Variants in MECOM observed in about 807,000 individuals in gnomAD.
MECOM encodes MDS1 and EVI1 complex locus.
Under a neutral mutation model 116.3 loss-of-function variants are expected in MECOM, and 13 were observed. The ratio of observed to expected loss-of-function variants is 0.11; its 90% confidence interval spans 0.07 to 0.18. The LOEUF (loss-of-function observed/expected upper bound fraction) is 0.18, where lower values mean the gene tolerates loss of function less well. Among genes scored for constraint, MECOM ranks in the 10% least tolerant of loss-of-function variants. The pLI is 1.00. For missense variants in MECOM, 1,299 were observed against 1,509.0 expected, an observed-to-expected ratio of 0.86 and a Z score of 2.31; for synonymous variants, 528 against 535.2, an observed-to-expected ratio of 0.99 and a Z score of 0.19.
chr3:169,161,137 T>C (rs1414005332), intron 2 of MECOM, among the ~76,000 whole-genome samples: 6 of 152,214 alleles, frequency 3.9e-5, no homozygotes, highest in Non-Finnish European at 5.9e-5. Context: ...GATTAAGTCA[T>C]GGTCACCACC....
chr3:169,502,161 T>C (rs1754621380), intron 1 of MECOM, among the ~76,000 whole-genome samples: 1 of 152,284 alleles, frequency 6.6e-6, no homozygotes, highest in African/African-American at 2.4e-5. Flanking sequence ...ATTCACCTGT[T>C]ACTCACAGAA....
chr3:169,133,761 G>T (rs1365321444), intron 3 of MECOM, among the ~76,000 whole-genome samples: 21 of 152,078 alleles, frequency 1.4e-4, no homozygotes. Context: ...TCTTTTTAAA[G>T]ATTACCAGAT....
intron 1 of MECOM, among the ~76,000 whole-genome samples, chr3:169,606,282 G>T (rs1474533377): frequency 6.6e-6 from 1 of 151,844 alleles, no homozygotes; most frequent in Non-Finnish European, 1.5e-5. Context: ...GTGTGGTGGT[G>T]CATGCTTGTA....
At chr3:169,341,248 TG>T (rs1298938851) in intron 2 of MECOM, among the ~76,000 whole-genome samples, 2 of 151,992 alleles carry the variant, frequency 1.3e-5, no homozygotes, top group Non-Finnish European at 2.9e-5. Flanking sequence ...TGCAACAACA[TG>T]GATGGAACTG....
chr3:169,348,623 A>G (rs1423275791), intron 2 of MECOM, among the ~76,000 whole-genome samples: 2 of 152,056 alleles, frequency 1.3e-5, no homozygotes, highest in Non-Finnish European at 2.9e-5. Flanking sequence ...TATTTATTTC[A>G]TAAGAGAAGT....
intron 2 of MECOM, among the ~76,000 whole-genome samples, chr3:169,193,231 T>C (rs1025937340): frequency 2.0e-5 from 3 of 152,156 alleles, no homozygotes; most frequent in East Asian, 3.9e-4. Flanking sequence ...CTTGACTTAA[T>C]CATAGTTGAC....
At chr3:169,146,668 CA>C in intron 2 of MECOM, 1 of 1,335,140 alleles carries the variant, frequency 7.5e-7, no homozygotes, top group African/African-American at 1.5e-5. Context: ...TCCGAAGTGA[CA>C]AACTTTCACA....
Position 169,480,564 on chromosome 3 carries a change from G to A in MECOM, c.38-99040C>T, listed in dbSNP as rs950852802. ...TAATACCTCTTTACGTAAATAAGTT[G>A]GCCTTTTATATCACCAGCCATTTTT... On this transcript the variant is annotated intron_variant, in intron 1 of 16. Transcript: ENST00000651503. 7.9e-5 allele frequency among the ~76,000 whole-genome samples: 12 copies of A among 152,030 alleles called. No homozygotes were observed. The South Asian group carries it at 2.3e-3, about 29-fold the overall frequency.
chr3:169,211,101 A>G (rs1481062912), intron 2 of MECOM, among the ~76,000 whole-genome samples: 1 of 152,096 alleles, frequency 6.6e-6, no homozygotes, highest in African/African-American at 2.4e-5. Flanking sequence ...CTTTTTGTGG[A>G]ACTATTTTTT....
intron 2 of MECOM, among the ~76,000 whole-genome samples, chr3:169,185,642 T>C (rs1018467339): frequency 2.6e-5 from 4 of 152,276 alleles, no homozygotes; most frequent in Non-Finnish European, 5.9e-5. Context: ...CGGTTCACAA[T>C]AACCTCTTTC....
chr3:169,453,632 G>C (rs1013513054), intron 1 of MECOM, among the ~76,000 whole-genome samples: 1 of 152,066 alleles, frequency 6.6e-6, no homozygotes, highest in African/African-American at 2.4e-5. Context: ...CATAAACACG[G>C]GCACTTCATA....
chr3:169,360,319 C>CAAAAAAAAAAAAGAAAAAAA (rs1728072847), intron 2 of MECOM, among the ~76,000 whole-genome samples: 2 of 87,840 alleles, frequency 2.3e-5, no homozygotes, highest in Non-Finnish European at 4.3e-5. Context: ...AAAGTTACAC[C>CAAAAAAAAAAAAGAAAAAAA]AAAAAAAAAA....
rs1480126016 is a variant in MECOM, at chr3:169,658,196, AGAC to A, written c.37+5137_37+5139del. ...GCGCCGTCCAGGAGAAAAGAAAAGC[AGAC>A]CCCACAGACCGTTTTAGAAAATGCC... On this transcript the variant is annotated intron_variant, in intron 1 of 16. Transcript: ENST00000651503. Among the ~76,000 whole-genome samples, 7 of 152,354 alleles carry A rather than the reference AGAC, an allele frequency of 4.6e-5. No homozygotes were observed. The East Asian group carries it at 1.3e-3, about 29-fold the overall frequency.
chr3:169,404,814 G>A (rs1736426079), intron 1 of MECOM, among the ~76,000 whole-genome samples: 2 of 152,178 alleles, frequency 1.3e-5, no homozygotes, highest in Admixed American at 6.5e-5. Flanking sequence ...AATTTCCCAA[G>A]GCCTCTGATT....
At chr3:169,491,999 A>T (rs1327048853) in intron 1 of MECOM, among the ~76,000 whole-genome samples, 1 of 152,192 alleles carries the variant, frequency 6.6e-6, no homozygotes, top group Non-Finnish European at 1.5e-5. Context: ...CAAAGAAAAC[A>T]CTTTTATCTG....
intron 2 of MECOM, among the ~76,000 whole-genome samples, chr3:169,195,660 G>A (rs930753508): frequency 8.6e-5 from 13 of 152,020 alleles, no homozygotes; most frequent in Middle Eastern, 3.4e-3. Context: ...TTTCACTCTT[G>A]CCTTTACTTT....
intron 1 of MECOM, among the ~76,000 whole-genome samples, chr3:169,527,845 T>C (rs1758137950): frequency 6.6e-6 from 1 of 152,200 alleles, no homozygotes; most frequent in Admixed American, 6.5e-5. Context: ...CACAGGAGCC[T>C]GGGTCACAGC....
At chr3:169,550,902 CA>C (rs2109302738) in intron 1 of MECOM, among the ~76,000 whole-genome samples, 1 of 128,188 alleles carries the variant, frequency 7.8e-6, no homozygotes, top group Non-Finnish European at 1.6e-5. Context: ...CGGCTCACTG[CA>C]AGCTCCGCCT....
rs1033172545 is a variant in MECOM, at chr3:169,165,406, G to T, written c.376-21574C>A. ...GCCATCTATAGCATACCAGAAGTGT[G>T]TAATTAGTCTATGTTTTTCATCACT... On this transcript the variant is annotated intron_variant, in intron 2 of 16. Coordinates refer to ENST00000651503, the MANE Select transcript of MECOM (RefSeq NM_004991.4). Among the ~76,000 whole-genome samples the T allele has an allele frequency of 3.9e-5, 6 of 152,120 alleles. No individual in the cohort carries two copies. The East Asian group carries it at 1.2e-3, about 29-fold the overall frequency.
Sources: allele counts gnomAD v4.1 joint callset (sites outside exome capture counted in the v4.1 genomes callset), GRCh38; gene constraint gnomAD v4.1.1; transcripts MANE v1.5; gene names NCBI Gene and HGNC (gene_info 2026-07-23, HGNC 2026-07-21).